DHX57: variants seen among roughly 807,000 people sequenced by gnomAD.
The protein encoded by DHX57 is DExH-box helicase 57.
In DHX57, 105 loss-of-function variants were observed where a neutral mutation model predicts 156.2. The observed-to-expected ratio is 0.67, with a 90% confidence interval of 0.57 to 0.79. DHX57 has a LOEUF of 0.79. Among genes scored for constraint, DHX57 ranks in the 30% least tolerant of loss-of-function variants. The probability of loss-of-function intolerance (pLI) is 0.00; values close to 1 mark genes in which losing one functional copy is unlikely to be tolerated. For synonymous variants in DHX57, 704 were observed against 595.6 expected, an observed-to-expected ratio of 1.18 and a Z score of -2.65; for missense variants, 1,847 against 1,661.9, an observed-to-expected ratio of 1.11 and a Z score of -1.94.
At chr2:38,838,916 C>T (rs1353040465) in intron 12 of DHX57, 3 of 273,690 alleles carry the variant, frequency 1.1e-5, no homozygotes, top group Non-Finnish European at 2.2e-5. Context: ...CTACAAGCCT[C>T]GGCTCTTTTA....
In DHX57 at chr2:38,840,121, T is replaced by A. The variant is rs114921845; in HGVS notation, c.2426-2174A>T. 6.2e-3 allele frequency among the ~76,000 whole-genome samples: 947 copies of A among 152,078 alleles called. 11 individuals are homozygous for A. The highest frequency in any genetic ancestry group is 0.021 in the African/African-American group (890 of 41,452). ...CCACCACACCAGCTAATTTAAAAAT[T>A]TTTTTAAGAGACAAGGCAGCACCAT... On this transcript the variant is annotated intron_variant, in intron 12 of 23. Coordinates refer to ENST00000457308, the MANE Select transcript of DHX57 (RefSeq NM_198963.3).
At chr2:38,838,243 C>A (rs1671788941) in intron 12 of DHX57, among the ~76,000 whole-genome samples, 1 of 152,134 alleles carries the variant, frequency 6.6e-6, no homozygotes, top group South Asian at 2.1e-4. Context: ...GGACTGCAGG[C>A]ATGCACCACC....
At chr2:38,821,523 G>A (rs563035377) in intron 17 of DHX57, among the ~76,000 whole-genome samples, 5 of 151,936 alleles carry the variant, frequency 3.3e-5, no homozygotes, top group South Asian at 2.1e-4. Context: ...GTGAAACCCC[G>A]TCTCTATAAA....
Position 38,858,549 on chromosome 2 carries a change from G to A in DHX57, c.1587+112C>T, listed in dbSNP as rs574276387. 3 of 1,392,042 alleles carry A rather than the reference G, an allele frequency of 2.2e-6. No homozygotes were observed. In the South Asian group the frequency reaches 4.4e-5, roughly 20 times the overall value. The allele number at this position is 1,392,042 out of a possible 1,614,324, so 86.2% of individuals were successfully genotyped here. A position where few individuals can be genotyped will look rare whatever the true frequency, so the allele number is the denominator to read the frequency against. On this transcript the variant is annotated intron_variant, in intron 6 of 23. Transcript: ENST00000457308. ...CCTGTAGAAACTTTGACCACTCAGG[G>A]AGAAAAAGAACCAGAAGAATTTTAA... is the stretch of plus-strand genomic sequence containing the variant.
At chr2:38,874,063 C>T (rs903920121) in intron 1 of DHX57, among the ~76,000 whole-genome samples, 1 of 151,946 alleles carries the variant, frequency 6.6e-6, no homozygotes, top group Non-Finnish European at 1.5e-5. Flanking sequence ...GTGGGTTTTG[C>T]ATTCCAGGAA....
At chr2:38,864,111 C>T (rs1454477593) in intron 2 of DHX57, among the ~76,000 whole-genome samples, 1 of 151,990 alleles carries the variant, frequency 6.6e-6, no homozygotes, top group African/African-American at 2.4e-5. Context: ...ATGATGGTTT[C>T]CTCTGCACTA....
intron 19 of DHX57, chr2:38,816,020 T>G: frequency 2.4e-6 from 1 of 411,276 alleles, no homozygotes. Context: ...GAATTCCAAC[T>G]CCAAGTGCTG....
intron 21 of DHX57, among the ~76,000 whole-genome samples, chr2:38,810,184 C>T (rs544108624): frequency 6.6e-5 from 10 of 151,476 alleles, no homozygotes; most frequent in African/African-American, 2.2e-4. Context: ...CGTGAGCCAC[C>T]GTGGCTGGCC....
At chr2:38,816,430 G>A (rs996079732) in intron 19 of DHX57, among the ~76,000 whole-genome samples, 3 of 151,916 alleles carry the variant, frequency 2.0e-5, no homozygotes, top group African/African-American at 4.8e-5. Context: ...TGGCCAGGCT[G>A]CTCTCGAACT....
intron 1 of DHX57, among the ~76,000 whole-genome samples, chr2:38,872,439 G>C (rs1665398631): frequency 6.6e-6 from 1 of 152,202 alleles, no homozygotes; most frequent in Non-Finnish European, 1.5e-5. Context: ...GACAGAGATT[G>C]TCAGACTTGA....
intron 22 of DHX57, among the ~76,000 whole-genome samples, chr2:38,805,293 G>A (rs903949051): frequency 6.6e-6 from 1 of 152,180 alleles, no homozygotes; most frequent in South Asian, 2.1e-4. Flanking sequence ...ATGGTCCTCA[G>A]TAGTTCCAGA....
rs1671775286 is a variant in DHX57 at position 38,838,043 on chromosome 2, G to A, written c.2426-96C>T. The A allele has an allele frequency of 1.4e-5, 11 of 778,086 alleles. No homozygotes were observed. The East Asian group carries it at 2.7e-4, about 19-fold the overall frequency. The allele number at this position is 778,086 out of a possible 1,614,324, so 48.2% of individuals were successfully genotyped here. ...CCATATACAATATGCCTGTGAATTA[G>A]GTGAGTGTTGGTTTAATAGCACAGA... On this transcript the variant is annotated intron_variant, in intron 12 of 23. Transcript: ENST00000457308.
intron 1 of DHX57, among the ~76,000 whole-genome samples, chr2:38,875,478 TC>T (rs1189794682): frequency 6.6e-6 from 1 of 152,080 alleles, no homozygotes; most frequent in Non-Finnish European, 1.5e-5. Context: ...CGGAGCCTGA[TC>T]CCTTCAATCA....
At chr2:38,867,757 C>T (rs1248876677) in intron 2 of DHX57, among the ~76,000 whole-genome samples, 1 of 152,060 alleles carries the variant, frequency 6.6e-6, no homozygotes, top group Non-Finnish European at 1.5e-5. Context: ...AGGATTTCAC[C>T]CTATTGGCCA....
intron 9 of DHX57, among the ~76,000 whole-genome samples, chr2:38,851,732 T>A (rs944809020): frequency 6.6e-6 from 1 of 152,194 alleles, no homozygotes; most frequent in Non-Finnish European, 1.5e-5. Context: ...CCAAAGCTAC[T>A]CTTCATATTC....
At chr2:38,848,433 C>T (rs1354976483) in intron 9 of DHX57, 31 bp from the exon 10 acceptor site, 2 of 1,547,416 alleles carry the variant, frequency 1.3e-6, no homozygotes, top group African/African-American at 2.8e-5. Flanking sequence ...ACCTGAGGAT[C>T]AAACAAATTC....
chr2:38,868,137 G>T (rs199936848), intron 2 of DHX57, 45 bp downstream of exon 2: 2 of 1,603,212 alleles, frequency 1.2e-6, no homozygotes, highest in African/African-American at 1.3e-5. Context: ...TACATTAGGG[G>T]TTGATACCAT....
chr2:38,802,675 A>G, intron 23 of DHX57, 40 bp downstream of exon 23: 1 of 1,610,356 alleles, frequency 6.2e-7, no homozygotes. Context: ...AAAGCCCCTC[A>G]TGGCCTGAGC....
rs968754516 is a variant in DHX57, at chr2:38,816,568, G to C, written c.3472-913C>G. Among the ~76,000 whole-genome samples the C allele has an allele frequency of 3.9e-5, 6 of 152,160 alleles. No homozygotes were observed. The South Asian group carries it at 1.0e-3, about 26-fold the overall frequency. ...AGTGGCTGAGCACAAATGTGAGAAA[G>C]AAAGCACAAACTTCTTTTTCTTGTG... On this transcript the variant is annotated intron_variant, in intron 19 of 23. Coordinates refer to ENST00000457308, the MANE Select transcript of DHX57 (RefSeq NM_198963.3).
Sources: gnomAD v4.1 joint callset for allele counts (sites outside exome capture counted in the v4.1 genomes callset) on GRCh38, gnomAD v4.1.1 for gene constraint, MANE v1.5 for transcripts, NCBI Gene and HGNC (gene_info 2026-07-23, HGNC 2026-07-21) for gene names.